AGPAT4: variants seen among roughly 807,000 people sequenced by gnomAD.
AGPAT4 encodes the protein 1-acylglycerol-3-phosphate O-acyltransferase 4.
In AGPAT4, 15 loss-of-function variants were observed where a neutral mutation model predicts 48.0. The ratio of observed to expected loss-of-function variants is 0.31; its 90% CI spans 0.21 to 0.48. AGPAT4 has a LOEUF of 0.48. Ranked by LOEUF, AGPAT4 falls within the 20% of genes least tolerant of loss-of-function variation. The pLI, the probability that AGPAT4 is intolerant of heterozygous loss-of-function variation, is 0.99. For synonymous variants in AGPAT4, 178 were observed against 198.7 expected (o/e 0.90, Z 0.88); for missense variants, 314 against 482.5 (o/e 0.65, Z 3.27).
rs566962734 is a variant in AGPAT4 at position 161,202,673 on chromosome 6, C to T, written c.178+29363G>A. 1.3e-5 allele frequency among the ~76,000 whole-genome samples: 2 copies of T among 152,216 alleles called. No homozygotes were observed. The highest frequency in any genetic ancestry group is 2.1e-4 in the South Asian group (1 of 4,808). On this transcript the variant is annotated intron_variant, in intron 2 of 8. Coordinates refer to ENST00000320285, the MANE Select transcript of AGPAT4 (RefSeq NM_020133.3). This position sits in a 1 kb window ranked among gnomAD's most constrained non-coding sequence, Gnocchi z 5.4. Reference sequence around the variant, plus strand: ...TCTAGAATGTAAGTCATTCCCCCATCGAGAGGTAAAATGGAATTTCCCCTT... The same window carrying T: ...TCTAGAATGTAAGTCATTCCCCCATTGAGAGGTAAAATGGAATTTCCCCTT...
At position 161,132,214 on chromosome 6, in the gene AGPAT4, A is replaced by C. The variant is rs1778922396; in HGVS notation, c.*4326T>G. The C allele has an allele frequency of 6.6e-6, 1 of 152,238 alleles. No homozygotes were observed. The highest frequency in any genetic ancestry group is 2.4e-5 in the African/African-American group (1 of 41,460). The allele number at this position is 152,238 out of a possible 1,614,324, so 9.4% of individuals were successfully genotyped here. A position where few individuals can be genotyped will look rare whatever the true frequency, so the allele number is the denominator to read the frequency against. On this transcript the variant is annotated 3_prime_UTR_variant, in exon 9 of 9. Transcript: ENST00000320285. ...CATCCTGGCCAAACAAAAAAAGTTC[A>C]AAAAATTGTTTTCAATTAAATTTCT...
Position 161,196,454 on chromosome 6 carries a change from G to A in AGPAT4, c.179-30037C>T, listed in dbSNP as rs1191987636. ...ATCCAGGGTCTGAAATAGGTCTGAA[G>A]CAACAGAGTTAGGGCAAAGACTAGA... On this transcript the variant is annotated intron_variant, in intron 2 of 8. Coordinates refer to ENST00000320285, the MANE Select transcript of AGPAT4 (RefSeq NM_020133.3). The surrounding 1 kb of genome is among the most constrained non-coding windows in gnomAD (Gnocchi z 4.3). Among the ~76,000 whole-genome samples, 1 of 152,146 alleles carries A rather than the reference G, an allele frequency of 6.6e-6. No individual in the cohort carries two copies. The highest frequency in any genetic ancestry group is 2.4e-5 in the African/African-American group (1 of 41,438).
intron 2 of AGPAT4, among the ~76,000 whole-genome samples, chr6:161,185,676 C>CA (rs140104930): frequency 0.016 from 2,376 of 152,266 alleles, 65 homozygotes; most frequent in African/African-American, 0.055. Context: ...GTTCAAGAAA[C>CA]AAGTTGCCTC....
intron 1 of AGPAT4, among the ~76,000 whole-genome samples, chr6:161,263,841 G>A (rs1369497968): frequency 1.3e-5 from 2 of 152,128 alleles, no homozygotes; most frequent in African/African-American, 4.8e-5. Context: ...CACCCTAAAA[G>A]AAAATTCAGG....
At chr6:161,237,502 G>GA (rs1289167387) in intron 1 of AGPAT4, among the ~76,000 whole-genome samples, 3 of 152,198 alleles carry the variant, frequency 2.0e-5, no homozygotes, top group African/African-American at 7.2e-5. Flanking sequence ...ATACATAGGG[G>GA]ATGTTGACTA....
Position 161,165,631 on chromosome 6 carries a change from A to G in AGPAT4, c.348+617T>C, listed in dbSNP as rs1034861169. 7.7e-7 allele frequency: 1 copy of G among 1,304,060 alleles called. No homozygotes were observed. The highest frequency in any genetic ancestry group is 1.5e-5 in the African/African-American group (1 of 65,822). 80.8% of individuals were successfully genotyped at this position (1,304,060 alleles called of 1,614,324 possible). A position where few individuals can be genotyped will look rare whatever the true frequency, so the allele number is the denominator to read the frequency against. On this transcript the variant is annotated intron_variant, in intron 3 of 8. Transcript: ENST00000320285. This position sits in a 1 kb window ranked among gnomAD's most constrained non-coding sequence, Gnocchi z 5.5. ...TATGTGACACAGGCTCAACCGCTACACGCTGCAGTGTGTTGAAGACGACAA... is the reference window on the plus strand; with the variant it reads ...TATGTGACACAGGCTCAACCGCTACGCGCTGCAGTGTGTTGAAGACGACAA...
chr6:161,232,318 A>C lies in AGPAT4; in HGVS notation c.-89-16T>G. On this transcript the variant is annotated splice_polypyrimidine_tract_variant and intron_variant, in intron 1 of 8. Transcript: ENST00000320285. This position sits in a 1 kb window ranked among gnomAD's most constrained non-coding sequence, Gnocchi z 6.8. ...AGGAAGGCGTCTAAAACACAAACAA[A>C]TAGGAAATGTTAGCAAAAACACGAT... The C allele has an allele frequency of 1.7e-6, 2 of 1,143,290 alleles. No homozygotes were observed. The highest frequency in any genetic ancestry group is 2.4e-6 in the Non-Finnish European group (2 of 827,568). 70.8% of individuals were successfully genotyped at this position (1,143,290 alleles called of 1,614,324 possible). A position where few individuals can be genotyped will look rare whatever the true frequency, so the allele number is the denominator to read the frequency against.
intron 2 of AGPAT4, among the ~76,000 whole-genome samples, chr6:161,228,482 G>A (rs556057747): frequency 2.1e-4 from 32 of 151,928 alleles, no homozygotes; most frequent in African/African-American, 7.5e-4. Flanking sequence ...CCAGGGCTGG[G>A]GGTGTGGGGT....
Position 161,149,635 on chromosome 6 carries a change from G to A in AGPAT4, c.665-346C>T, listed in dbSNP as rs192157284. 5.8e-3 allele frequency among the ~76,000 whole-genome samples: 887 copies of A among 151,906 alleles called. 15 individuals are homozygous for A. The highest frequency in any genetic ancestry group is 0.021 in the African/African-American group (854 of 41,388). On this transcript the variant is annotated intron_variant, in intron 5 of 8. Coordinates refer to ENST00000320285, the MANE Select transcript of AGPAT4 (RefSeq NM_020133.3). This position sits in a 1 kb window ranked among gnomAD's most constrained non-coding sequence, Gnocchi z 6.5. ...CGGCTCACTACAACCTCTGCCTCCC[G>A]GGTTCAAACAATTCTCCTGTCTCAG...
At chr6:161,187,694 C>G (rs1248486727) in intron 2 of AGPAT4, among the ~76,000 whole-genome samples, 2 of 152,078 alleles carry the variant, frequency 1.3e-5, no homozygotes, top group Non-Finnish European at 2.9e-5. Flanking sequence ...GTGTCCACCA[C>G]CACACCCAGC....
At chr6:161,183,884 A>AC (rs1279360944) in intron 2 of AGPAT4, among the ~76,000 whole-genome samples, 3 of 151,536 alleles carry the variant, frequency 2.0e-5, no homozygotes, top group Non-Finnish European at 2.9e-5. Context: ...TCCATATTCA[A>AC]GGACAGCAAG....
At position 161,141,378 on chromosome 6, in the gene AGPAT4, G is replaced by C. The variant is rs1779244600; in HGVS notation, c.844-1758C>G. On this transcript the variant is annotated intron_variant, in intron 7 of 8. Coordinates refer to ENST00000320285, the MANE Select transcript of AGPAT4 (RefSeq NM_020133.3). The surrounding 1 kb of genome is among the most constrained non-coding windows in gnomAD (Gnocchi z 6.7). ...AAGCACTCCTACCCTCAAGCAGTGA[G>C]AGCGATCAGATGGTGGAGGAGACAA... Among the ~76,000 whole-genome samples, 1 of 152,104 alleles carries C rather than the reference G, an allele frequency of 6.6e-6. No homozygotes were observed. Among genetic ancestry groups the C allele is most frequent in the African/African-American group, 2.4e-5 (1 of 41,436 alleles).
intron 2 of AGPAT4, among the ~76,000 whole-genome samples, chr6:161,179,169 A>G (rs146372601): frequency 6.4e-4 from 97 of 152,340 alleles, no homozygotes; most frequent in African/African-American, 1.8e-3. Context: ...TAAAGAGGTT[A>G]CTAATAGGAA....
rs1030812843 is a variant in AGPAT4, at chr6:161,232,849, A to C, written c.-89-547T>G. On this transcript the variant is annotated intron_variant, in intron 1 of 8. Transcript: ENST00000320285. This position sits in a 1 kb window ranked among gnomAD's most constrained non-coding sequence, Gnocchi z 6.8. ...TGGACAAGGACGAGGACATACCCAG[A>C]GTGGGTGCCACCCCTCAAGCAACCG... Among the ~76,000 whole-genome samples, 4 of 152,200 alleles carry C rather than the reference A, an allele frequency of 2.6e-5. No homozygotes were observed. The highest frequency in any genetic ancestry group is 7.2e-5 in the African/African-American group (3 of 41,452).
At chr6:161,199,682 C>T (rs1217181521) in intron 2 of AGPAT4, among the ~76,000 whole-genome samples, 1 of 152,106 alleles carries the variant, frequency 6.6e-6, no homozygotes, top group African/African-American at 2.4e-5. Flanking sequence ...GTTCTCGTGA[C>T]AGCAAGTGAA....
Position 161,218,401 on chromosome 6 carries a change from TC to T in AGPAT4, c.178+13634del, listed in dbSNP as rs1428715201. Among the ~76,000 whole-genome samples the T allele has an allele frequency of 6.6e-6, 1 of 152,204 alleles. No homozygotes were observed. The highest frequency in any genetic ancestry group is 1.5e-5 in the Non-Finnish European group (1 of 68,032). ...AGCTCCCTTTTAAAACATGCACGACTCCCTCTGCTGGCATGATGGTCTGACT... is the reference window on the plus strand; with the variant it reads ...AGCTCCCTTTTAAAACATGCACGACTCCTCTGCTGGCATGATGGTCTGACT... On this transcript the variant is annotated intron_variant, in intron 2 of 8. Transcript: ENST00000320285. The surrounding 1 kb of genome is among the most constrained non-coding windows in gnomAD (Gnocchi z 4.7).
chr6:161,159,387 CAG>C lies in AGPAT4; in HGVS notation c.349-5079_349-5078del, dbSNP rs1331220777. On this transcript the variant is annotated intron_variant, in intron 3 of 8. Coordinates refer to ENST00000320285, the MANE Select transcript of AGPAT4 (RefSeq NM_020133.3). This position sits in a 1 kb window ranked among gnomAD's most constrained non-coding sequence, Gnocchi z 4.1. Reference sequence around the variant, plus strand: ...TGATTACCTGTGGCCTTGAGGTGCCCAGAGTCTAGTGGGAAGGGAGAAGCAGA... The same window carrying C: ...TGATTACCTGTGGCCTTGAGGTGCCCAGTCTAGTGGGAAGGGAGAAGCAGA... Among the ~76,000 whole-genome samples the C allele has an allele frequency of 6.6e-6, 1 of 152,164 alleles. No individual in the cohort carries two copies. The highest frequency in any genetic ancestry group is 2.4e-5 in the African/African-American group (1 of 41,444).
rs1264591502 is a variant in AGPAT4, at chr6:161,139,572, G to A, written c.892C>T (p.Pro298Ser). The change falls in exon 8 of 9, where the codon CCC (proline) becomes TCC (serine). Residue 298 changes from proline to serine, a missense_variant. By Grantham distance (74) the Pro-to-Ser change is moderately conservative. Coordinates refer to ENST00000320285, the MANE Select transcript of AGPAT4 (RefSeq NM_020133.3). The surrounding 1 kb of genome is among the most constrained non-coding windows in gnomAD (Gnocchi z 9.1). ...CAGGGCCGCCGGGGGGGCACCATGG[G>A]CGTCTCTGGGAAGGTGCCCGTCCTG... ...YYRTGTFPET[P>S]MVPPRRPWTL... 4 of 1,613,744 alleles carry A rather than the reference G, an allele frequency of 2.5e-6. No individual in the cohort carries two copies. Among genetic ancestry groups the A allele is most frequent in the East Asian group, 2.2e-5 (1 of 44,854 alleles).
At position 161,189,662 on chromosome 6, in the gene AGPAT4, G is replaced by A. The variant is rs148000761; in HGVS notation, c.179-23245C>T. 3.8e-4 allele frequency among the ~76,000 whole-genome samples: 58 copies of A among 152,086 alleles called. No homozygotes were observed. The highest frequency in any genetic ancestry group is 3.8e-3 in the South Asian group (18 of 4,788). On this transcript the variant is annotated intron_variant, in intron 2 of 8. Coordinates refer to ENST00000320285, the MANE Select transcript of AGPAT4 (RefSeq NM_020133.3). The surrounding 1 kb of genome is among the most constrained non-coding windows in gnomAD (Gnocchi z 5.3). ...GCAGATCCAGGCCAGCTGCACATCC[G>A]TGGGCTCCTCCATCAGTCTCTGGCC... is the stretch of plus-strand genomic sequence containing the variant.
Sources: gnomAD v4.1 joint callset for allele counts (sites outside exome capture counted in the v4.1 genomes callset) on GRCh38, gnomAD v4.1.1 for gene constraint, Gnocchi (gnomAD v3.1) non-coding constraint, MANE v1.5 for transcripts, NCBI Gene and HGNC (gene_info 2026-07-23, HGNC 2026-07-21) for gene names.